The following ZFP28 variants were observed in gnomAD, a reference collection of about 807,000 sequenced individuals.
ZFP28 encodes the protein ZFP28 zinc finger protein, also known as zinc finger protein 28 homolog.
A neutral mutation model predicts 39.5 loss-of-function variants in ZFP28; 31 were observed. That is an observed-to-expected ratio of 0.79 (90% CI 0.59 to 1.06). ZFP28 has a LOEUF of 1.06. ZFP28 is among the 50% of genes least tolerant of loss of function. ZFP28 has a pLI of 0.00. For synonymous variants in ZFP28, 400 were observed against 378.6 expected (o/e 1.06, Z -0.66); for missense variants, 925 against 1,048.4 (o/e 0.88, Z 1.63).
Position 56,547,713 on chromosome 19 carries a change from C to T in ZFP28, c.427+79C>T. 1 of 1,588,736 alleles carries T rather than the reference C, an allele frequency of 6.3e-7. No individual in the cohort carries two copies. The highest frequency in any genetic ancestry group is 8.6e-7 in the Non-Finnish European group (1 of 1,165,382). ...AGAAGCCTTTCATGCCTTTATCACC[C>T]AGACCTGCACTGCCCTCTTGCGTCA... On this transcript the variant is annotated intron_variant, in intron 3 of 7. Transcript: ENST00000301318. This position sits in a 1 kb window ranked among gnomAD's most constrained non-coding sequence, Gnocchi z 4.6.
rs781683416 is a variant in ZFP28, at chr19:56,550,686, A to C, written c.898+81A>C. The stretch of plus-strand genomic sequence containing the variant: ...TACCAAAAAGGCTGCATCCTCACTA[A>C]TATACAGTAGGAAACTTTACCCAGG... On this transcript the variant is annotated intron_variant, in intron 7 of 7. Coordinates refer to ENST00000301318, the MANE Select transcript of ZFP28 (RefSeq NM_020828.2). 3.7e-6 allele frequency: 6 copies of C among 1,604,420 alleles called. No individual in the cohort carries two copies. In the East Asian group the frequency reaches 1.3e-4, roughly 36 times the overall value.
At position 56,555,466 on chromosome 19, in the gene ZFP28, T is replaced by A; in HGVS notation, c.*74T>A. On this transcript the variant is annotated 3_prime_UTR_variant, in exon 8 of 8. Transcript: ENST00000301318. ...TCTCCCTGCCCTTTTGTTTTCTTTTTGTCCCTTATTAGTTAGTTCTTCACA... is the reference window on the plus strand; with the variant it reads ...TCTCCCTGCCCTTTTGTTTTCTTTTAGTCCCTTATTAGTTAGTTCTTCACA... 1 of 1,471,234 alleles carries A rather than the reference T, an allele frequency of 6.8e-7. No individual in the cohort carries two copies. Among genetic ancestry groups the A allele is most frequent in the Non-Finnish European group, 9.0e-7 (1 of 1,116,464 alleles). 91.1% of individuals were successfully genotyped at this position (1,471,234 alleles called of 1,614,324 possible).
Position 56,549,377 on chromosome 19 carries a change from T to G in ZFP28, c.687+256T>G, listed in dbSNP as rs1600546289. Among the ~76,000 whole-genome samples, 5 of 152,290 alleles carry G rather than the reference T, an allele frequency of 3.3e-5. 1 individual carries two copies. The highest frequency in any genetic ancestry group is 3.3e-4 in the Admixed American group (5 of 15,298). On this transcript the variant is annotated intron_variant, in intron 5 of 7. Transcript: ENST00000301318. Reference sequence around the variant, plus strand: ...AGAAATGTTTGACTTGTGATGAATGTAAGAAAGCTTTGAGCAGAGGCCAGG... The same window carrying G: ...AGAAATGTTTGACTTGTGATGAATGGAAGAAAGCTTTGAGCAGAGGCCAGG...
At chr19:56,538,617 A>T (rs1015020879), upstream of ZFP28, 2 of 151,686 alleles carry the variant, frequency 1.3e-5, no homozygotes, top group Non-Finnish European at 1.5e-5. Flanking sequence ...CCGGGGCCAA[A>T]CCGTATCTTG....
At position 56,556,784 on chromosome 19, in the gene ZFP28, A is replaced by C. The variant is rs1048130265; in HGVS notation, c.*1392A>C. 1 of 152,248 alleles carries C rather than the reference A, an allele frequency of 6.6e-6. No individual in the cohort carries two copies. Among genetic ancestry groups the C allele is most frequent in the African/African-American group, 2.4e-5 (1 of 41,462 alleles). 9.4% of individuals were successfully genotyped at this position (152,248 alleles called of 1,614,324 possible). On this transcript the variant is annotated 3_prime_UTR_variant, in exon 8 of 8. Coordinates refer to ENST00000301318, the MANE Select transcript of ZFP28 (RefSeq NM_020828.2). ...GAAAAATAAAGATGTCAATAAAAGG[A>C]GAAATGATATTTTTCTAGATGAAAT...
chr19:56,549,632 G>A (rs868805736), intron 5 of ZFP28, among the ~76,000 whole-genome samples: 5 of 151,750 alleles, frequency 3.3e-5, no homozygotes, highest in Admixed American at 1.3e-4. Flanking sequence ...AGCCGAGATC[G>A]CGCCACTGCA....
rs796702974 is a variant in ZFP28 at position 56,549,655 on chromosome 19, T to C, written c.688-412T>C. On this transcript the variant is annotated intron_variant, in intron 5 of 7. Coordinates refer to ENST00000301318, the MANE Select transcript of ZFP28 (RefSeq NM_020828.2). ...TCGCGCCACTGCACTCCAGCCTGGGTGACAGAGCAAGACTCCGTCTCAAAA... is the reference window on the plus strand; with the variant it reads ...TCGCGCCACTGCACTCCAGCCTGGGCGACAGAGCAAGACTCCGTCTCAAAA... 1.6e-4 allele frequency among the ~76,000 whole-genome samples: 24 copies of C among 151,622 alleles called. No individual in the cohort carries two copies. In the East Asian group the frequency reaches 2.5e-3, roughly 16 times the overall value.
chr19:56,539,817 T>G, intron 2 of ZFP28, 101 bp downstream of exon 2: 1 of 1,053,346 alleles, frequency 9.5e-7, no homozygotes, highest in Non-Finnish European at 1.4e-6. Flanking sequence ...GAGACCTGTT[T>G]GGGCGCGGGT....
In ZFP28 at chr19:56,554,944, A is replaced by G; in HGVS notation, c.2159A>G (p.Gln720Arg). The change falls in exon 8 of 8, where the codon CAA (glutamine) becomes CGA (arginine). Residue 720 changes from glutamine (Q) to arginine (R), a missense_variant. Transcript: ENST00000301318. This position sits in a 1 kb window ranked among gnomAD's most constrained non-coding sequence, Gnocchi z 6.7. Reference sequence around the variant, plus strand: ...GATAACTCATCCTGTACTCAACATCAAAGACTGCACACTGGCCAAAGACCT... The same window carrying G: ...GATAACTCATCCTGTACTCAACATCGAAGACTGCACACTGGCCAAAGACCT... ...FGDNSSCTQH[Q>R]RLHTGQRPYE... 4 of 1,614,164 alleles carry G rather than the reference A, an allele frequency of 2.5e-6. No homozygotes were observed. Among genetic ancestry groups the G allele is most frequent in the Non-Finnish European group, 3.4e-6 (4 of 1,180,022 alleles).
rs1261565395 is a variant in ZFP28, at chr19:56,555,954, A to T, written c.*562A>T. 1.3e-5 allele frequency: 2 copies of T among 152,318 alleles called. No individual in the cohort carries two copies. The highest frequency in any genetic ancestry group is 1.5e-5 in the Non-Finnish European group (1 of 68,092). 9.4% of individuals were successfully genotyped at this position (152,318 alleles called of 1,614,324 possible). ...GAATTTAAAAAATCAGAAAAATGCA[A>T]GATTTATATGCATGAAGTTAAAACA... On this transcript the variant is annotated 3_prime_UTR_variant, in exon 8 of 8. Transcript: ENST00000301318.
Position 56,553,812 on chromosome 19 carries a change from T to C in ZFP28, c.1027T>C (p.Tyr343His). The C allele has an allele frequency of 1.2e-6, 2 of 1,614,144 alleles. No homozygotes were observed. The highest frequency in any genetic ancestry group is 1.7e-6 in the Non-Finnish European group (2 of 1,180,028). ...TTTCAGAGAAAATTGGGATTCTGAC[T>C]ATGTGTTTGGAAGGAAGCTTGCAGT... is the stretch of plus-strand genomic sequence containing the variant. ...SSFRENWDSD[Y>H]VFGRKLAVGQ... Residue 343 changes from tyrosine (Y) to histidine (H), a missense_variant, in exon 8 of 8, where the codon TAT becomes CAT. Physicochemically the swap from Tyr to His is moderately conservative, Grantham distance 83 (BLOSUM62 2). This residue lies in a region of ZFP28 where 556 missense variants were observed against 542.9 expected (regional missense o/e 1.02). Transcript: ENST00000301318.
At chr19:56,542,012 C>T (rs993988346) in intron 2 of ZFP28, among the ~76,000 whole-genome samples, 3 of 151,240 alleles carry the variant, frequency 2.0e-5, no homozygotes, top group Non-Finnish European at 4.4e-5. Flanking sequence ...CAGCCATGAG[C>T]CACTGTGCCT....
At position 56,554,993 on chromosome 19, in the gene ZFP28, G is replaced by A. The variant is rs150863431; in HGVS notation, c.2208G>A (p.Lys736=). The change falls in exon 8 of 8, where the codon AAG becomes AAA. Residue 736 remains lysine, a synonymous_variant. Coordinates refer to ENST00000301318, the MANE Select transcript of ZFP28 (RefSeq NM_020828.2). This position sits in a 1 kb window ranked among gnomAD's most constrained non-coding sequence, Gnocchi z 6.7. ...CTTATGAATGTATTGAGTGTGGAAA[G>A]GCATTCAAGACAAAATCCTCCCTTA... The part of the protein sequence containing the change: ...QRPYECIECG[K]AFKTKSSLIC... 6.2e-7 allele frequency: 1 copy of A among 1,614,122 alleles called. No individual in the cohort carries two copies. The highest frequency in any genetic ancestry group is 8.5e-7 in the Non-Finnish European group (1 of 1,180,036).
intron 2 of ZFP28, among the ~76,000 whole-genome samples, chr19:56,545,044 G>C (rs2044228489): frequency 6.6e-6 from 1 of 152,214 alleles, no homozygotes; most frequent in Non-Finnish European, 1.5e-5. Context: ...TTTATGCCAA[G>C]ATGCTTCAAC....
chr19:56,540,534 CT>C (rs2044186948), intron 2 of ZFP28, among the ~76,000 whole-genome samples: 1 of 152,188 alleles, frequency 6.6e-6, no homozygotes, highest in Non-Finnish European at 1.5e-5. Flanking sequence ...CCAAACTGCT[CT>C]TGAGTGGGTT....
At chr19:56,553,655 G>A in intron 7 of ZFP28, 29 bp from the exon 8 acceptor site, 1 of 1,533,154 alleles carries the variant, frequency 6.5e-7, no homozygotes, top group Non-Finnish European at 8.7e-7. Flanking sequence ...CACGAAAAAG[G>A]AAATATGTGT....
chr19:56,547,718 C>T lies in ZFP28; in HGVS notation c.427+84C>T, dbSNP rs76842347. ...CCTTTCATGCCTTTATCACCCAGAC[C>T]TGCACTGCCCTCTTGCGTCAAGCCA... On this transcript the variant is annotated intron_variant, in intron 3 of 7. Transcript: ENST00000301318. The surrounding 1 kb of genome is among the most constrained non-coding windows in gnomAD (Gnocchi z 4.6). 5.6e-6 allele frequency: 9 copies of T among 1,594,988 alleles called. No individual in the cohort carries two copies. In the East Asian group the frequency reaches 2.0e-4, roughly 36 times the overall value.
intron 7 of ZFP28, chr19:56,552,648 T>C (rs1050081577): frequency 3.9e-5 from 6 of 152,194 alleles, no homozygotes; most frequent in African/African-American, 1.4e-4. Context: ...TCTTACTATA[T>C]AGTAGCTTAA....
chr19:56,553,819 T>A lies in ZFP28; in HGVS notation c.1034T>A (p.Phe345Tyr). ...FRENWDSDYV[F>Y]GRKLAVGQET... is the part of the protein sequence containing the mutation. ...GAAAATTGGGATTCTGACTATGTGT[T>A]TGGAAGGAAGCTTGCAGTAGGTCAA... Residue 345 changes from phenylalanine to tyrosine, a missense_variant, in exon 8 of 8, where the codon TTT becomes TAT. Physicochemically the swap from Phe to Tyr is conservative, Grantham distance 22. Around this residue, in one of 2 missense-constraint regions of ZFP28, gnomAD observed 556 missense variants for 542.9 expected, o/e 1.02. Transcript: ENST00000301318. 6.2e-7 allele frequency: 1 copy of A among 1,614,130 alleles called. No individual in the cohort carries two copies. Among genetic ancestry groups the A allele is most frequent in the Non-Finnish European group, 8.5e-7 (1 of 1,180,034 alleles).
Sources: gnomAD v4.1 joint callset for allele counts (sites outside exome capture counted in the v4.1 genomes callset) on GRCh38, gnomAD v4.1.1 for gene constraint, gnomAD v4.1.1 regional missense constraint, Gnocchi (gnomAD v3.1) non-coding constraint, MANE v1.5 for transcripts, NCBI Gene and HGNC (gene_info 2026-07-23, HGNC 2026-07-21) for gene names.